Variants in NIPSNAP3A observed in about 807,000 individuals in gnomAD.
NIPSNAP3A encodes the protein protein NipSnap homolog 3A.
A neutral mutation model predicts 32.3 loss-of-function variants in NIPSNAP3A; 27 were observed. That is an observed-to-expected ratio of 0.84 (90% confidence interval 0.62 to 1.15). The LOEUF (loss-of-function observed/expected upper bound fraction) is 1.15. Among genes scored for constraint, NIPSNAP3A ranks in the 50% most tolerant of loss-of-function variants. NIPSNAP3A has a pLI of 0.00. For synonymous variants in NIPSNAP3A, 108 were observed against 107.3 expected (o/e 1.01, Z -0.04); for missense variants, 278 against 297.2 (o/e 0.94, Z 0.48).
intron 3 of NIPSNAP3A, 79 bp downstream of exon 3, chr9:104,753,143 T>C: frequency 8.5e-7 from 1 of 1,174,012 alleles, no homozygotes; most frequent in African/African-American, 1.5e-5. Context: ...TGAAGTTCCT[T>C]TGGAAAAAAA....
At chr9:104,750,583 A>T (rs919368237) in intron 1 of NIPSNAP3A, among the ~76,000 whole-genome samples, 3 of 152,180 alleles carry the variant, frequency 2.0e-5, no homozygotes, top group Non-Finnish European at 1.5e-5. Context: ...CTCTTCATTT[A>T]TATACGGCTT....
rs1564051682 is a variant in NIPSNAP3A, at chr9:104,752,923, A to C, written c.289A>C (p.Thr97Pro). 6.2e-7 allele frequency: 1 copy of C among 1,613,234 alleles called. No homozygotes were observed. The highest frequency in any genetic ancestry group is 8.5e-7 in the Non-Finnish European group (1 of 1,179,280). ...IWKYDNFAHRTEVRKALAKDK... is the reference protein window; with the variant it reads ...IWKYDNFAHRPEVRKALAKDK... The stretch of plus-strand genomic sequence containing the variant: ...TCCCACAGATAATTTTGCTCATCGA[A>C]CTGAAGTTCGGAAAGCCTTGGCCAA... Residue 97 changes from threonine to proline, a missense_variant, in exon 3 of 6, where the codon ACT (threonine) becomes CCT (proline). Coordinates refer to ENST00000374767, the MANE Select transcript of NIPSNAP3A (RefSeq NM_015469.3).
At chr9:104,752,770 C>A in intron 2 of NIPSNAP3A, 136 bp from the exon 3 acceptor site, 1 of 716,264 alleles carries the variant, frequency 1.4e-6, no homozygotes, top group Non-Finnish European at 2.4e-6. Context: ...CATCTGTTTA[C>A]GTTGGTGTCT....
At chr9:104,749,951 A>G (rs2118748488) in intron 1 of NIPSNAP3A, among the ~76,000 whole-genome samples, 1 of 152,342 alleles carries the variant, frequency 6.6e-6, no homozygotes, top group Admixed American at 6.5e-5. Flanking sequence ...ATGTTCTACC[A>G]TTATATTACA....
Position 104,752,823 on chromosome 9 carries a change from T to C in NIPSNAP3A, c.272-83T>C, listed in dbSNP as rs538190591. ...GGTTCTTATATGGCATCAATGACCA[T>C]TGCTGATGTGAATGAAACCCAGAAA... On this transcript the variant is annotated intron_variant, in intron 2 of 5. Transcript: ENST00000374767. 273 of 1,156,362 alleles carry C rather than the reference T, an allele frequency of 2.4e-4. 1 individual carries two copies. Among genetic ancestry groups the C allele is most frequent in the Non-Finnish European group, 3.2e-4 (248 of 777,648 alleles). The allele number at this position is 1,156,362 out of a possible 1,614,324, so 71.6% of individuals were successfully genotyped here.
In NIPSNAP3A at chr9:104,759,983, T is replaced by G. The variant is rs1429087247; in HGVS notation, c.*645T>G. 1 of 150,210 alleles carries G rather than the reference T, an allele frequency of 6.7e-6. No individual in the cohort carries two copies. The highest frequency in any genetic ancestry group is 1.5e-5 in the Non-Finnish European group (1 of 68,024). 9.3% of individuals were successfully genotyped at this position (150,210 alleles called of 1,614,324 possible). On this transcript the variant is annotated 3_prime_UTR_variant, in exon 6 of 6. Coordinates refer to ENST00000374767, the MANE Select transcript of NIPSNAP3A (RefSeq NM_015469.3). ...ACTTGTTGGTTTATGTGCTGAAATG[T>G]CTTTATTTATAATTAATTTTAACTA...
chr9:104,751,082 C>T lies in NIPSNAP3A; in HGVS notation c.187C>T (p.Arg63Trp), dbSNP rs778443504. Residue 63 changes from arginine to tryptophan, a missense_variant, in exon 2 of 6, where the codon CGG becomes TGG. Arg to Trp is a moderately radical substitution (Grantham distance 101). Transcript: ENST00000374767. Reference protein sequence around the residue: ...LENFEKNAHLRTAHSELVGYW... With the variant: ...LENFEKNAHLWTAHSELVGYW... The stretch of plus-strand genomic sequence containing the variant: ...AAATTTTGAGAAAAACGCTCATCTT[C>T]GGACAGCTCACTCTGAATTGGTTGG... 28 of 1,613,854 alleles carry T rather than the reference C, an allele frequency of 1.7e-5. No individual in the cohort carries two copies. Among genetic ancestry groups the T allele is most frequent in the Admixed American group, 1.5e-4 (9 of 59,996 alleles).
At chr9:104,749,691 A>G (rs958614853) in intron 1 of NIPSNAP3A, among the ~76,000 whole-genome samples, 10 of 152,164 alleles carry the variant, frequency 6.6e-5, no homozygotes, top group Admixed American at 2.6e-4. Context: ...GTGTATGTGT[A>G]TACATATATA....
At chr9:104,747,930 G>C in intron 1 of NIPSNAP3A, 78 bp downstream of exon 1, 1 of 1,360,430 alleles carries the variant, frequency 7.4e-7, no homozygotes, top group Non-Finnish European at 1.0e-6. Flanking sequence ...GGGTACGTGC[G>C]AGCAATGCGC....
chr9:104,749,555 G>T (rs1440248065), intron 1 of NIPSNAP3A, among the ~76,000 whole-genome samples: 2 of 152,172 alleles, frequency 1.3e-5, no homozygotes, highest in African/African-American at 4.8e-5. Flanking sequence ...GATTATTCTG[G>T]TGTAATCAAC....
At chr9:104,757,899 A>G (rs948962761) in intron 4 of NIPSNAP3A, among the ~76,000 whole-genome samples, 5 of 152,178 alleles carry the variant, frequency 3.3e-5, no homozygotes, top group South Asian at 4.1e-4. Flanking sequence ...AAAAATAAAA[A>G]TAAAATTAAA....
intron 3 of NIPSNAP3A, among the ~76,000 whole-genome samples, chr9:104,753,374 T>C (rs934081686): frequency 4.6e-5 from 7 of 152,216 alleles, no homozygotes; most frequent in Non-Finnish European, 7.3e-5. Context: ...AACGTGTTGA[T>C]AGGTAAGGGA....
intron 4 of NIPSNAP3A, among the ~76,000 whole-genome samples, chr9:104,754,959 G>A (rs1030242401): frequency 6.6e-6 from 1 of 151,974 alleles, no homozygotes; most frequent in Non-Finnish European, 1.5e-5. Flanking sequence ...AAGGAACCTC[G>A]GCTGGGCACG....
rs757477439 is a variant in NIPSNAP3A at position 104,759,066 on chromosome 9, T to A, written c.581-19T>A. On this transcript the variant is annotated intron_variant, in intron 4 of 5. Transcript: ENST00000374767. The stretch of plus-strand genomic sequence containing the variant: ...TAAGGCCATATTTTTTAGAAGCTAC[T>A]TGTGGTTTATTTCTGCAGTTCATGT... 3 of 1,606,150 alleles carry A rather than the reference T, an allele frequency of 1.9e-6. No homozygotes were observed. The highest frequency in any genetic ancestry group is 1.1e-5 in the South Asian group (1 of 89,946).
In NIPSNAP3A at chr9:104,759,351, A is replaced by G; in HGVS notation, c.*13A>G. The G allele has an allele frequency of 3.7e-6, 6 of 1,608,654 alleles. No homozygotes were observed. Among genetic ancestry groups the G allele is most frequent in the Non-Finnish European group, 5.1e-6 (6 of 1,176,198 alleles). On this transcript the variant is annotated 3_prime_UTR_variant, in exon 6 of 6. Transcript: ENST00000374767. ...ACCACTGAAATAGTTTTCTACTGAA[A>G]TACAAAACATTTCATTAACTGCTAT...
chr9:104,752,150 T>C (rs1205554426), intron 2 of NIPSNAP3A, among the ~76,000 whole-genome samples: 1 of 152,150 alleles, frequency 6.6e-6, no homozygotes, highest in Non-Finnish European at 1.5e-5. Context: ...ATTAGTCTTA[T>C]GAGGTCCTAA....
intron 1 of NIPSNAP3A, among the ~76,000 whole-genome samples, chr9:104,750,145 C>T (rs1036414391): frequency 2.6e-5 from 4 of 152,078 alleles, no homozygotes; most frequent in African/African-American, 9.7e-5. Flanking sequence ...CCAAAAGTTA[C>T]GTGCGTAGTT....
chr9:104,753,477 A>G (rs73663519), intron 3 of NIPSNAP3A: 2,902 of 166,596 alleles, frequency 0.017, 90 homozygotes, highest in African/African-American at 0.066. Context: ...AAATCATTAA[A>G]TACAGCTTTG....
rs1302872176 is a variant in NIPSNAP3A, at chr9:104,759,003, G to T, written c.581-82G>T. ...AAAAAAAAAAAAAAAAAAAGAATAGGATGGGTTTGATTCATTTTTCTGTTA... is the reference window on the plus strand; with the variant it reads ...AAAAAAAAAAAAAAAAAAAGAATAGTATGGGTTTGATTCATTTTTCTGTTA... On this transcript the variant is annotated intron_variant, in intron 4 of 5. Coordinates refer to ENST00000374767, the MANE Select transcript of NIPSNAP3A (RefSeq NM_015469.3). 3.7e-6 allele frequency: 4 copies of T among 1,080,950 alleles called. No individual in the cohort carries two copies. The East Asian group carries it at 7.9e-5, about 21-fold the overall frequency. 67.0% of individuals were successfully genotyped at this position (1,080,950 alleles called of 1,614,324 possible). A position where few individuals can be genotyped will look rare whatever the true frequency, so the allele number is the denominator to read the frequency against.
Sources: gnomAD v4.1 joint callset for allele counts (sites outside exome capture counted in the v4.1 genomes callset) on GRCh38, gnomAD v4.1.1 for gene constraint, MANE v1.5 for transcripts, NCBI Gene and HGNC (gene_info 2026-07-23, HGNC 2026-07-21) for gene names.